The following DGKB variants were observed in gnomAD, a reference collection of about 807,000 sequenced individuals.
DGKB encodes the protein 90 kDa diacylglycerol kinase.
Under a neutral mutation model 114.3 loss-of-function variants are expected in DGKB, and 67 were observed. That is an observed-to-expected ratio of 0.59 (90% CI 0.48 to 0.72). The LOEUF (loss-of-function observed/expected upper bound fraction) is 0.72. Among genes scored for constraint, DGKB ranks in the 30% least tolerant of loss-of-function variants. DGKB has a pLI of 0.00. For synonymous variants in DGKB, 398 were observed against 323.1 expected (o/e 1.23, Z -2.49); for missense variants, 907 against 975.2 (o/e 0.93, Z 0.93).
chr7:14,310,221 T>C (rs1805150507), intron 23 of DGKB, among the ~76,000 whole-genome samples: 1 of 152,110 alleles, frequency 6.6e-6, no homozygotes, highest in Non-Finnish European at 1.5e-5. Context: ...AAAGAGTGTG[T>C]TGTGGAGAAG....
At chr7:14,776,803 G>A (rs1342906084) in intron 2 of DGKB, among the ~76,000 whole-genome samples, 1 of 152,236 alleles carries the variant, frequency 6.6e-6, no homozygotes, top group Non-Finnish European at 1.5e-5. Context: ...AGTCCCTACT[G>A]TGGCACAACC....
intron 8 of DGKB, among the ~76,000 whole-genome samples, chr7:14,695,494 C>CTTTTTTTTTTTTTTTTTTTTTTT (rs1173622205): frequency 8.0e-5 from 6 of 75,166 alleles, no homozygotes; most frequent in African/African-American, 1.2e-4. Flanking sequence ...CTCTCTCTCT[C>CTTTTTTTTTTTTTTTTTTTTTTT]TTTTTTTTTT....
At chr7:14,366,848 A>G (rs1048719855) in intron 21 of DGKB, among the ~76,000 whole-genome samples, 2 of 152,138 alleles carry the variant, frequency 1.3e-5, no homozygotes, top group East Asian at 1.9e-4. Context: ...GTTCTTAATT[A>G]TATACTTTAT....
chr7:14,555,791 G>T (rs1005623451), intron 20 of DGKB, among the ~76,000 whole-genome samples: 7 of 152,104 alleles, frequency 4.6e-5, no homozygotes, highest in African/African-American at 1.7e-4. Context: ...ATCTCTGGTC[G>T]TCCTCACTGC....
intron 20 of DGKB, among the ~76,000 whole-genome samples, chr7:14,543,680 G>C (rs1376682500): frequency 1.3e-5 from 2 of 152,084 alleles, no homozygotes; most frequent in Non-Finnish European, 2.9e-5. Context: ...TATTTGTAAA[G>C]AATTTAGCAC....
rs374986644 is a variant in DGKB at position 14,934,092 on chromosome 7, C to T, written c.-188+40604G>A. Among the ~76,000 whole-genome samples the T allele has an allele frequency of 2.0e-5, 3 of 152,210 alleles. No homozygotes were observed. The South Asian group carries it at 6.2e-4, about 32-fold the overall frequency. On this transcript the variant is annotated intron_variant, in intron 1 of 4. Transcript: ENST00000437998. ...TTTATTTCTGCAGAAGATCAATTCC[C>T]TCAGGAAAAACTGAGCATTTGAATG...
intron 1 of DGKB, among the ~76,000 whole-genome samples, chr7:14,919,468 A>C (rs1232825389): frequency 1.3e-5 from 2 of 152,218 alleles, no homozygotes; most frequent in Admixed American, 6.5e-5. Context: ...GAGACCTTAC[A>C]TGTTTCACAA....
At chr7:14,899,930 C>T (rs940705006) in intron 1 of DGKB, among the ~76,000 whole-genome samples, 6 of 152,134 alleles carry the variant, frequency 3.9e-5, no homozygotes, top group Admixed American at 2.0e-4. Flanking sequence ...TCTAACCCAG[C>T]ATTCACTAAA....
intron 23 of DGKB, among the ~76,000 whole-genome samples, chr7:14,311,026 G>A (rs1324470930): frequency 6.6e-6 from 1 of 152,062 alleles, no homozygotes; most frequent in South Asian, 2.1e-4. Flanking sequence ...TACTTAGGAG[G>A]TTAAGGTGGG....
chr7:14,942,341 G>C (rs564279280), intron 1 of DGKB, among the ~76,000 whole-genome samples: 1 of 151,912 alleles, frequency 6.6e-6, no homozygotes, highest in East Asian at 1.9e-4. Context: ...TTTAAAACAC[G>C]ATATATTCAG....
At chr7:14,261,587 T>C (rs992961867) in intron 23 of DGKB, among the ~76,000 whole-genome samples, 7 of 152,198 alleles carry the variant, frequency 4.6e-5, no homozygotes, top group African/African-American at 7.2e-5. Flanking sequence ...GATATTATAT[T>C]TGGATTCAAT....
intron 13 of DGKB, among the ~76,000 whole-genome samples, chr7:14,656,729 T>C (rs1815873595): frequency 7.4e-6 from 1 of 134,984 alleles, no homozygotes; most frequent in African/African-American, 2.9e-5. Flanking sequence ...ATAGGATATA[T>C]ATACAGTATA....
intron 2 of DGKB, among the ~76,000 whole-genome samples, chr7:14,790,822 A>C (rs1192971090): frequency 6.6e-6 from 1 of 152,094 alleles, no homozygotes; most frequent in East Asian, 1.9e-4. Flanking sequence ...CTTTAAATAA[A>C]CTTGTCTATA....
intron 1 of DGKB, among the ~76,000 whole-genome samples, chr7:14,853,253 A>G (rs1347526851): frequency 6.6e-6 from 1 of 152,176 alleles, no homozygotes; most frequent in Non-Finnish European, 1.5e-5. Context: ...GACTCAATTT[A>G]CACAGCATAG....
intron 23 of DGKB, among the ~76,000 whole-genome samples, chr7:14,266,689 G>A (rs1215780707): frequency 1.3e-5 from 2 of 152,060 alleles, no homozygotes; most frequent in South Asian, 4.1e-4. Flanking sequence ...ACAACATTTT[G>A]TCATTCCACT....
intron 20 of DGKB, among the ~76,000 whole-genome samples, chr7:14,505,291 C>G (rs1159855719): frequency 6.6e-6 from 1 of 151,932 alleles, no homozygotes; most frequent in Non-Finnish European, 1.5e-5. Context: ...CCCATCTCTA[C>G]TAAAAATACA....
At chr7:14,637,439 T>C (rs1810955554) in intron 13 of DGKB, among the ~76,000 whole-genome samples, 1 of 151,648 alleles carries the variant, frequency 6.6e-6, no homozygotes, top group African/African-American at 2.4e-5. Context: ...ATGTATACTT[T>C]TTATATGCTC....
At chr7:14,776,571 G>A (rs563237599) in intron 2 of DGKB, among the ~76,000 whole-genome samples, 2 of 152,254 alleles carry the variant, frequency 1.3e-5, no homozygotes, top group Non-Finnish European at 2.9e-5. Flanking sequence ...GCTTCAGAGG[G>A]TGCAAGCCCG....
At chr7:14,340,159 C>CTTTTTTTTTTTTTTTTTTT in intron 22 of DGKB, among the ~76,000 whole-genome samples, 1 of 89,174 alleles carries the variant, frequency 1.1e-5, no homozygotes, top group Non-Finnish European at 2.2e-5. Flanking sequence ...CTGGATGATG[C>CTTTTTTTTTTTTTTTTTTT]TTTTTTTTTT....
Sources: gnomAD v4.1 joint callset for allele counts (sites outside exome capture counted in the v4.1 genomes callset) on GRCh38, gnomAD v4.1.1 for gene constraint, MANE v1.5 for transcripts, NCBI Gene and HGNC (gene_info 2026-07-23, HGNC 2026-07-21) for gene names.